Variants in SLC14A2 observed in about 807,000 individuals in gnomAD.
SLC14A2 encodes the protein solute carrier family 14 member 2, also known as urea transporter 2.
A neutral mutation model predicts 104.6 loss-of-function variants in SLC14A2; 91 were observed. The observed-to-expected ratio is 0.87, with a 90% CI of 0.73 to 1.04. SLC14A2 has a LOEUF of 1.04. Ranked by LOEUF, SLC14A2 falls within the 50% of genes least tolerant of loss-of-function variation. SLC14A2 has a pLI of 0.00. For missense variants in SLC14A2, 1,189 were observed against 1,156.0 expected, an observed-to-expected ratio of 1.03 and a Z score of -0.41; for synonymous variants, 476 against 466.4, an observed-to-expected ratio of 1.02 and a Z score of -0.27.
chr18:45,652,512 A>G lies in SLC14A2; in HGVS notation c.1351+8352A>G, dbSNP rs895487646. On this transcript the variant is annotated intron_variant, in intron 10 of 19. Transcript: ENST00000255226. The stretch of plus-strand genomic sequence containing the variant: ...TGGAGAACTTCCAGCTCCAGCTTGC[A>G]TTTATTCCACATGGACTTGGGCCCT... 5.9e-5 allele frequency among the ~76,000 whole-genome samples: 9 copies of G among 152,334 alleles called. 1 individual carries two copies. The East Asian group carries it at 1.5e-3, about 26-fold the overall frequency.
chr18:45,596,236 T>G (rs544002853), intron 2 of SLC14A2, among the ~76,000 whole-genome samples: 1 of 152,172 alleles, frequency 6.6e-6, no homozygotes, highest in Non-Finnish European at 1.5e-5. Flanking sequence ...GCTCTAAGTT[T>G]GAAATACTAT....
intron 2 of SLC14A2, among the ~76,000 whole-genome samples, chr18:45,548,153 A>G (rs1476370241): frequency 1.3e-5 from 2 of 152,154 alleles, no homozygotes; most frequent in African/African-American, 4.8e-5. Context: ...GAATGTAGGG[A>G]CTGTTGTCCA....
At chr18:45,499,437 A>G (rs555363200) in intron 2 of SLC14A2, among the ~76,000 whole-genome samples, 1 of 152,350 alleles carries the variant, frequency 6.6e-6, no homozygotes, top group African/African-American at 2.4e-5. Flanking sequence ...ACATTTTATC[A>G]GGAGGCTGAT....
At chr18:45,506,942 T>C (rs1436898199) in intron 2 of SLC14A2, among the ~76,000 whole-genome samples, 1 of 152,100 alleles carries the variant, frequency 6.6e-6, no homozygotes, top group African/African-American at 2.4e-5. Flanking sequence ...GAACCTGACT[T>C]ACCCCCTCCT....
chr18:45,424,458 G>A (rs192828478), intron 1 of SLC14A2, among the ~76,000 whole-genome samples: 27 of 152,342 alleles, frequency 1.8e-4, no homozygotes, highest in African/African-American at 6.3e-4. Flanking sequence ...ACATGGTGTG[G>A]ATGCCTGAAG....
intron 2 of SLC14A2, among the ~76,000 whole-genome samples, chr18:45,487,594 G>A (rs538067455): frequency 6.6e-5 from 10 of 152,270 alleles, no homozygotes; most frequent in Admixed American, 3.3e-4. Context: ...GGGTCCCCAA[G>A]CATCAAACTC....
chr18:45,296,265 T>C (rs958646839), intron 1 of SLC14A2, among the ~76,000 whole-genome samples: 3 of 152,176 alleles, frequency 2.0e-5, no homozygotes, highest in African/African-American at 7.2e-5. Context: ...CCGAGTTCAT[T>C]CCTGTGCCGG....
At chr18:45,265,951 A>G (rs1347093199) in intron 1 of SLC14A2, among the ~76,000 whole-genome samples, 1 of 152,210 alleles carries the variant, frequency 6.6e-6, no homozygotes, top group East Asian at 1.9e-4. Context: ...TCCACTAGGC[A>G]GAGACAAACA....
Position 45,267,787 on chromosome 18 carries a change from G to A in SLC14A2, c.-125+54596G>A, listed in dbSNP as rs1291869576. ...AGAAACCAAACATCCTGACACTGAG[G>A]ACACTTAGATTGCAAAGGTGTTTCC... On this transcript the variant is annotated intron_variant, in intron 1 of 20. Coordinates refer to the SLC14A2 transcript ENST00000586448. Among the ~76,000 whole-genome samples, 3 of 152,116 alleles carry A rather than the reference G, an allele frequency of 2.0e-5. No homozygotes were observed. The East Asian group carries it at 5.8e-4, about 29-fold the overall frequency.
chr18:45,571,027 G>A (rs552083599), intron 2 of SLC14A2, among the ~76,000 whole-genome samples: 10 of 152,290 alleles, frequency 6.6e-5, no homozygotes, highest in African/African-American at 2.4e-4. Context: ...TTGGAGAAAT[G>A]ACATGTCATT....
At chr18:45,613,283 A>G (rs1302110372), upstream of SLC14A2, among the ~76,000 whole-genome samples, 1 of 152,122 alleles carries the variant, frequency 6.6e-6, no homozygotes, top group African/African-American at 2.4e-5. Context: ...CAGCCTCCCA[A>G]AGTGCTGGGA....
rs1029750479 is a variant in SLC14A2, at chr18:45,527,322, T to A, written c.-35+44000T>A. Among the ~76,000 whole-genome samples the A allele has an allele frequency of 6.6e-5, 10 of 152,300 alleles. No homozygotes were observed. The South Asian group carries it at 8.3e-4, about 13-fold the overall frequency. The stretch of plus-strand genomic sequence containing the variant: ...TAACAAATCCAAGACTTGAGATGAT[T>A]AGGAGTAAAGTTGCCTTTATGATCC... On this transcript the variant is annotated intron_variant, in intron 2 of 20. Transcript: ENST00000586448.
At chr18:45,325,400 A>G (rs370075895) in intron 1 of SLC14A2, among the ~76,000 whole-genome samples, 13 of 152,312 alleles carry the variant, frequency 8.5e-5, no homozygotes, top group African/African-American at 2.6e-4. Flanking sequence ...TGTGACTTAC[A>G]TACATTCACA....
chr18:45,177,962 G>C, the SLC14A2 span, among the ~76,000 whole-genome samples: 1 of 152,160 alleles, frequency 6.6e-6, no homozygotes. Flanking sequence ...ATAGAAGATG[G>C]AGAAGTTCCA....
chr18:45,530,680 C>A (rs1245205475), intron 2 of SLC14A2, among the ~76,000 whole-genome samples: 1 of 151,908 alleles, frequency 6.6e-6, no homozygotes, highest in Non-Finnish European at 1.5e-5. Context: ...TGAAAAAATT[C>A]TGTCTGCCAC....
chr18:45,658,926 A>C (rs2045888177), intron 10 of SLC14A2, among the ~76,000 whole-genome samples: 1 of 152,218 alleles, frequency 6.6e-6, no homozygotes. Context: ...AGTCAATCAA[A>C]AGAAAGCACC....
intron 1 of SLC14A2, among the ~76,000 whole-genome samples, chr18:45,220,687 C>T (rs769863357): frequency 6.6e-6 from 1 of 152,174 alleles, no homozygotes; most frequent in Non-Finnish European, 1.5e-5. Flanking sequence ...GACTTAGAGA[C>T]TGAACATGAA....
chr18:45,596,458 T>A (rs2044719660), intron 2 of SLC14A2, among the ~76,000 whole-genome samples: 1 of 152,174 alleles, frequency 6.6e-6, no homozygotes, highest in African/African-American at 2.4e-5. Flanking sequence ...TTTCCTGTGA[T>A]ATATGAAACC....
chr18:45,428,658 C>T (rs2086469500), intron 1 of SLC14A2, among the ~76,000 whole-genome samples: 1 of 152,154 alleles, frequency 6.6e-6, no homozygotes, highest in Non-Finnish European at 1.5e-5. Flanking sequence ...GGAACTATGT[C>T]AAAGTGACAT....
Sources: gnomAD v4.1 joint callset for allele counts (sites outside exome capture counted in the v4.1 genomes callset) on GRCh38, gnomAD v4.1.1 for gene constraint, MANE v1.5 for transcripts, NCBI Gene and HGNC (gene_info 2026-07-23, HGNC 2026-07-21) for gene names.